The following LRRC4C variants were observed in gnomAD, a reference collection of about 807,000 sequenced individuals.
The protein encoded by LRRC4C is leucine-rich repeat-containing protein 4C.
In LRRC4C, 5 loss-of-function variants were observed where a neutral mutation model predicts 33.6. That is an observed-to-expected ratio of 0.15 (90% CI 0.08 to 0.31). LRRC4C has a LOEUF of 0.31. Ranked by LOEUF, LRRC4C falls within the 10% of genes least tolerant of loss-of-function variation. The probability of loss-of-function intolerance (pLI) is 1.00; values close to 1 mark genes in which losing one functional copy is unlikely to be tolerated. For missense variants in LRRC4C, 560 were observed against 796.7 expected, an observed-to-expected ratio of 0.70 and a Z score of 3.58; for synonymous variants, 329 against 302.0, an observed-to-expected ratio of 1.09 and a Z score of -0.93.
chr11:40,709,520 T>A (rs1208510853), intron 2 of LRRC4C, among the ~76,000 whole-genome samples: 1 of 152,156 alleles, frequency 6.6e-6, no homozygotes, highest in African/African-American at 2.4e-5. Context: ...TTTAAGAATG[T>A]TGAATATTGA....
At chr11:40,914,141 C>T (rs1956831183) in intron 2 of LRRC4C, among the ~76,000 whole-genome samples, 1 of 152,150 alleles carries the variant, frequency 6.6e-6, no homozygotes, top group Non-Finnish European at 1.5e-5. Flanking sequence ...GGTACCATTC[C>T]TTCTGATACT....
chr11:40,310,821 C>T (rs1945269175), intron 4 of LRRC4C, among the ~76,000 whole-genome samples: 1 of 152,162 alleles, frequency 6.6e-6, no homozygotes, highest in Non-Finnish European at 1.5e-5. Flanking sequence ...TAGAATTAAG[C>T]ATAATAACTA....
chr11:40,300,061 C>T (rs1248865820), intron 4 of LRRC4C, among the ~76,000 whole-genome samples: 1 of 152,106 alleles, frequency 6.6e-6, no homozygotes, highest in Non-Finnish European at 1.5e-5. Context: ...AGCTTCTACT[C>T]ATGGTGGAAG....
At chr11:40,340,881 C>G (rs1289535098) in intron 3 of LRRC4C, among the ~76,000 whole-genome samples, 1 of 152,106 alleles carries the variant, frequency 6.6e-6, no homozygotes, top group Non-Finnish European at 1.5e-5. Flanking sequence ...AAAAATTAAG[C>G]TCATGTAGTC....
intron 1 of LRRC4C, among the ~76,000 whole-genome samples, chr11:41,153,518 G>T (rs569703785): frequency 2.6e-5 from 4 of 152,144 alleles, no homozygotes; most frequent in African/African-American, 9.7e-5. Flanking sequence ...ATATATGAGG[G>T]TTTTGGAATA....
chr11:40,381,424 T>G (rs1294557724), intron 3 of LRRC4C, among the ~76,000 whole-genome samples: 1 of 152,142 alleles, frequency 6.6e-6, no homozygotes, highest in African/African-American at 2.4e-5. Context: ...AAAATAAGTA[T>G]AAGAAAATAT....
intron 2 of LRRC4C, among the ~76,000 whole-genome samples, chr11:40,684,950 A>C (rs528851799): frequency 6.6e-6 from 1 of 152,092 alleles, no homozygotes; most frequent in Non-Finnish European, 1.5e-5. Flanking sequence ...AATAATTTGT[A>C]TAAAAACTCC....
intron 1 of LRRC4C, among the ~76,000 whole-genome samples, chr11:41,148,513 T>C (rs1943835810): frequency 6.6e-6 from 1 of 152,136 alleles, no homozygotes; most frequent in Non-Finnish European, 1.5e-5. Context: ...GGAGTTAATC[T>C]TCAATAGCCA....
intron 2 of LRRC4C, among the ~76,000 whole-genome samples, chr11:40,715,723 T>C (rs1946672947): frequency 6.6e-6 from 1 of 152,126 alleles, no homozygotes; most frequent in South Asian, 2.1e-4. Context: ...TTCTATCGAA[T>C]TAAAAAGAAC....
intron 1 of LRRC4C, among the ~76,000 whole-genome samples, chr11:41,285,347 A>C (rs1949791923): frequency 6.6e-6 from 1 of 152,250 alleles, no homozygotes; most frequent in Non-Finnish European, 1.5e-5. Context: ...GCCTATAAGA[A>C]ATAGCTAAGT....
At chr11:41,214,596 A>T (rs938813638) in intron 1 of LRRC4C, among the ~76,000 whole-genome samples, 3 of 144,846 alleles carry the variant, frequency 2.1e-5, no homozygotes, top group African/African-American at 7.7e-5. Flanking sequence ...AAAAAAAAAA[A>T]AAAATTAGCC....
At chr11:41,148,616 A>G (rs1333762468) in intron 1 of LRRC4C, among the ~76,000 whole-genome samples, 1 of 152,046 alleles carries the variant, frequency 6.6e-6, no homozygotes, top group African/African-American at 2.4e-5. Context: ...ACTAAACACC[A>G]TTGGTAAACT....
chr11:40,304,672 T>G (rs1323990315), intron 4 of LRRC4C, among the ~76,000 whole-genome samples: 1 of 152,130 alleles, frequency 6.6e-6, no homozygotes, highest in African/African-American at 2.4e-5. Flanking sequence ...AAATACCTTG[T>G]ATTGACTTAT....
At chr11:40,311,943 CAAAA>C (rs368014390) in intron 4 of LRRC4C, among the ~76,000 whole-genome samples, 1 of 61,988 alleles carries the variant, frequency 1.6e-5, no homozygotes, top group Non-Finnish European at 3.2e-5. Context: ...GACTCTGTCT[CAAAA>C]AAAAAAAAAA....
At chr11:41,402,703 G>GA (rs1459851280) in intron 1 of LRRC4C, among the ~76,000 whole-genome samples, 1 of 151,726 alleles carries the variant, frequency 6.6e-6, no homozygotes, top group Non-Finnish European at 1.5e-5. Context: ...ATTTAGAAAG[G>GA]AAAAAATGAA....
chr11:41,144,472 C>A (rs1183375888), intron 1 of LRRC4C, among the ~76,000 whole-genome samples: 2 of 152,092 alleles, frequency 1.3e-5, no homozygotes, highest in Admixed American at 6.6e-5. Context: ...TGTACACAGC[C>A]AAATATCTAT....
chr11:40,243,521 G>A (rs1266109915), intron 4 of LRRC4C, among the ~76,000 whole-genome samples: 3 of 151,968 alleles, frequency 2.0e-5, no homozygotes, highest in Non-Finnish European at 4.4e-5. Context: ...GTTAGAATTC[G>A]TGACTCATTC....
chr11:40,190,808 A>C (rs1861776985), intron 5 of LRRC4C, among the ~76,000 whole-genome samples: 1 of 152,182 alleles, frequency 6.6e-6, no homozygotes, highest in African/African-American at 2.4e-5. Context: ...ACAGAATAAG[A>C]AAAAAAGTGA....
intron 3 of LRRC4C, among the ~76,000 whole-genome samples, chr11:40,531,979 A>T (rs1454753194): frequency 6.7e-6 from 1 of 148,324 alleles, no homozygotes; most frequent in African/African-American, 2.5e-5. Flanking sequence ...TATAATTATG[A>T]TTAATATTTA....
Sources: allele counts gnomAD v4.1 joint callset (sites outside exome capture counted in the v4.1 genomes callset), GRCh38; gene constraint gnomAD v4.1.1; transcripts MANE v1.5; gene names NCBI Gene and HGNC (gene_info 2026-07-23, HGNC 2026-07-21).